Variants in ZNF585A observed in about 807,000 individuals in gnomAD.
ZNF585A encodes zinc finger protein 585A.
A neutral mutation model predicts 14.9 loss-of-function variants in ZNF585A; 9 were observed. The observed-to-expected ratio is 0.60, with a 90% CI of 0.36 to 1.05. The LOEUF (loss-of-function observed/expected upper bound fraction) is 1.05, where lower values mean the gene tolerates loss of function less well. ZNF585A is among the 50% of genes least tolerant of loss of function. The pLI is 0.01. For missense variants in ZNF585A, 726 were observed against 926.4 expected, an observed-to-expected ratio of 0.78 and a Z score of 2.81; for synonymous variants, 276 against 319.9, an observed-to-expected ratio of 0.86 and a Z score of 1.46.
chr19:37,151,356 C>T lies in ZNF585A; in HGVS notation c.*233G>A, dbSNP rs995928423. On this transcript the variant is annotated 3_prime_UTR_variant, in exon 5 of 5. Coordinates refer to ENST00000292841, the MANE Select transcript of ZNF585A (RefSeq NM_001288800.2). Reference sequence around the variant, plus strand: ...GCTTTTCCTATTCACCAAATTGACTCGGTTCCTTGTCAGTATGAATAATGA... The same window carrying T: ...GCTTTTCCTATTCACCAAATTGACTTGGTTCCTTGTCAGTATGAATAATGA... The T allele has an allele frequency of 1.1e-5, 5 of 462,092 alleles. No individual in the cohort carries two copies. The highest frequency in any genetic ancestry group is 9.9e-5 in the African/African-American group (5 of 50,690). 28.6% of individuals were successfully genotyped at this position (462,092 alleles called of 1,614,324 possible).
Position 37,147,584 on chromosome 19 carries a change from A to G in ZNF585A, c.*4005T>C, listed in dbSNP as rs1354830891. 1 of 152,210 alleles carries G rather than the reference A, an allele frequency of 6.6e-6. No homozygotes were observed. The highest frequency in any genetic ancestry group is 1.9e-4 in the East Asian group (1 of 5,198). 9.4% of individuals were successfully genotyped at this position (152,210 alleles called of 1,614,324 possible). ...ATTAGGTAATCATATAAAATAAAAC[A>G]TATACTATAAAACAGGTACTATTAT... is the stretch of plus-strand genomic sequence containing the variant. On this transcript the variant is annotated 3_prime_UTR_variant, in exon 5 of 5. Coordinates refer to ENST00000292841, the MANE Select transcript of ZNF585A (RefSeq NM_001288800.2).
rs772387782 is a variant in ZNF585A, at chr19:37,153,002, C to T, written c.897G>A (p.Glu299=). The T allele has an allele frequency of 1.7e-5, 28 of 1,614,056 alleles. No individual in the cohort carries two copies. Among genetic ancestry groups the T allele is most frequent in the East Asian group, 2.2e-5 (1 of 44,884 alleles). Residue 299 remains glutamate (E), a synonymous_variant, in exon 5 of 5, where the codon GAG becomes GAA. Coordinates refer to ENST00000292841, the MANE Select transcript of ZNF585A (RefSeq NM_001288800.2). The part of the protein sequence containing the change: ...RRIHTGEKPY[E]CSNCGKSFIS... Reference sequence around the variant, plus strand: ...TGAAGGATTTGCCACAGTTACTGCACTCATATGGTTTTTCTCCAGTATGAA... The same window carrying T: ...TGAAGGATTTGCCACAGTTACTGCATTCATATGGTTTTTCTCCAGTATGAA...
chr19:37,166,742 CTT>C (rs755881090), intron 2 of ZNF585A, among the ~76,000 whole-genome samples: 4 of 145,410 alleles, frequency 2.8e-5, no homozygotes, highest in African/African-American at 2.5e-5. Flanking sequence ...TACCTTAGGT[CTT>C]TTTTTTTTTT....
In ZNF585A at chr19:37,169,819, CT is replaced by C. The variant is rs1568500533; in HGVS notation, c.72+19del. On this transcript the variant is annotated intron_variant, in intron 2 of 4. Coordinates refer to ENST00000292841, the MANE Select transcript of ZNF585A (RefSeq NM_001288800.2). Reference sequence around the variant, plus strand: ...AGTCCTGGATTGAATTCCCACCCCCCTGGGACTCCTCCTTCTCACCTCATAG... The same window carrying C: ...AGTCCTGGATTGAATTCCCACCCCCCGGGACTCCTCCTTCTCACCTCATAG... 3.1e-6 allele frequency: 5 copies of C among 1,609,782 alleles called. No individual in the cohort carries two copies. Among genetic ancestry groups the C allele is most frequent in the South Asian group, 2.2e-5 (2 of 91,020 alleles).
chr19:37,162,301 T>G (rs1205348622), intron 2 of ZNF585A, among the ~76,000 whole-genome samples: 1 of 152,254 alleles, frequency 6.6e-6, no homozygotes, highest in South Asian at 2.1e-4. Flanking sequence ...TGTTTCTTTG[T>G]GATGTGTGTT....
chr19:37,160,875 A>AT lies in ZNF585A; in HGVS notation c.73-4521dup, dbSNP rs540346734. Among the ~76,000 whole-genome samples the AT allele has an allele frequency of 1.4e-3, 214 of 151,696 alleles. 9 individuals are homozygous for AT. The South Asian group carries it at 0.04, about 28-fold the overall frequency. On this transcript the variant is annotated intron_variant, in intron 2 of 4. Transcript: ENST00000292841. The stretch of plus-strand genomic sequence containing the variant: ...AATTCTTTTTTTCTTCTTCTTTTTA[A>AT]TTTTTTTTGTGAGACACGATCTTGC...
rs73622721 is a variant in ZNF585A at position 37,150,671 on chromosome 19, A to G, written c.*918T>C. 0.01 allele frequency: 1,587 copies of G among 152,870 alleles called. 29 individuals carry two copies. The highest frequency in any genetic ancestry group is 0.036 in the African/African-American group (1,510 of 41,506). The allele number at this position is 152,870 out of a possible 1,614,324, so 9.5% of individuals were successfully genotyped here. ...AACATATGGTTGTGTTGGTTTTCAT[A>G]TAAGTTATTAATCTGTTACATGAAA... On this transcript the variant is annotated 3_prime_UTR_variant, in exon 5 of 5. Transcript: ENST00000292841.
intron 2 of ZNF585A, among the ~76,000 whole-genome samples, chr19:37,168,368 A>G (rs1393823209): frequency 1.3e-5 from 2 of 152,204 alleles, no homozygotes; most frequent in East Asian, 3.8e-4. Flanking sequence ...GGTGTTCTCC[A>G]TGGCGCTACA....
In ZNF585A at chr19:37,157,992, C is replaced by T. The variant is rs559014423; in HGVS notation, c.73-1637G>A. Among the ~76,000 whole-genome samples the T allele has an allele frequency of 4.2e-4, 63 of 151,626 alleles. 1 individual carries two copies. Among genetic ancestry groups the T allele is most frequent in the African/African-American group, 1.5e-3 (62 of 41,316 alleles). Reference sequence around the variant, plus strand: ...CAACCTCCACCTCCCGGATTCAAGCCGTTCTCTGCCTCAGACTCCCGAGTA... The same window carrying T: ...CAACCTCCACCTCCCGGATTCAAGCTGTTCTCTGCCTCAGACTCCCGAGTA... On this transcript the variant is annotated intron_variant, in intron 2 of 4. Coordinates refer to ENST00000292841, the MANE Select transcript of ZNF585A (RefSeq NM_001288800.2).
chr19:37,168,315 C>T (rs1181795446), intron 2 of ZNF585A, among the ~76,000 whole-genome samples: 1 of 152,178 alleles, frequency 6.6e-6, no homozygotes, highest in Non-Finnish European at 1.5e-5. Flanking sequence ...AGTTAAACCT[C>T]AGTTTTGCTA....
intron 3 of ZNF585A, 117 bp downstream of exon 3, chr19:37,156,112 C>T: frequency 6.4e-7 from 1 of 1,554,532 alleles, no homozygotes; most frequent in African/African-American, 1.4e-5. Context: ...ATAAAGAATC[C>T]TAGACAAATC....
At position 37,152,273 on chromosome 19, in the gene ZNF585A, T is replaced by C. The variant is rs776440553; in HGVS notation, c.1626A>G (p.Lys542=). The C allele has an allele frequency of 6.2e-7, 1 of 1,614,196 alleles. No individual in the cohort carries two copies. The highest frequency in any genetic ancestry group is 1.1e-5 in the South Asian group (1 of 91,080). Residue 542 remains lysine, a synonymous_variant, in exon 5 of 5, where the codon AAA becomes AAG. Transcript: ENST00000292841. ...CATACTGTCTCTCTCCAGTGTGAAT[T>C]TTCTGATGTATATTGAGGTGTGACT... is the stretch of plus-strand genomic sequence containing the variant. The part of the protein sequence containing the change: ...TQKSHLNIHQ[K]IHTGERQYEC...
At chr19:37,156,134 C>A (rs772543053) in intron 3 of ZNF585A, 95 bp downstream of exon 3, 1 of 1,567,746 alleles carries the variant, frequency 6.4e-7, no homozygotes, top group South Asian at 1.2e-5. Flanking sequence ...AGAACAAAAT[C>A]ATCACCTATT....
At chr19:37,159,841 C>A (rs1339414377) in intron 2 of ZNF585A, among the ~76,000 whole-genome samples, 1 of 152,134 alleles carries the variant, frequency 6.6e-6, no homozygotes, top group Admixed American at 6.6e-5. Context: ...TCTTTAATGA[C>A]CCACAGGTCA....
At chr19:37,162,986 A>T (rs80090851) in intron 2 of ZNF585A, among the ~76,000 whole-genome samples, 114 of 152,274 alleles carry the variant, frequency 7.5e-4, no homozygotes, top group Non-Finnish European at 1.6e-3. Context: ...ACCAAAAAAA[A>T]AGTTCCCTAT....
intron 2 of ZNF585A, among the ~76,000 whole-genome samples, chr19:37,168,937 C>A (rs1396830334): frequency 6.6e-6 from 1 of 152,084 alleles, no homozygotes; most frequent in East Asian, 1.9e-4. Flanking sequence ...AGAATAAAAT[C>A]GGTCCTGTAT....
Position 37,157,958 on chromosome 19 carries a change from G to A in ZNF585A, c.73-1603C>T, listed in dbSNP as rs190190033. Among the ~76,000 whole-genome samples the A allele has an allele frequency of 4.7e-5, 7 of 149,760 alleles. No individual in the cohort carries two copies. In the East Asian group the frequency reaches 5.9e-4, roughly 13 times the overall value. On this transcript the variant is annotated intron_variant, in intron 2 of 4. Transcript: ENST00000292841. ...GGCTAGAGTGCAGTGGTGCGATCTCGGCTCACCGCAACCTCCACCTCCCGG... is the reference window on the plus strand; with the variant it reads ...GGCTAGAGTGCAGTGGTGCGATCTCAGCTCACCGCAACCTCCACCTCCCGG...
At chr19:37,167,877 G>T (rs1398852654) in intron 2 of ZNF585A, among the ~76,000 whole-genome samples, 1 of 151,964 alleles carries the variant, frequency 6.6e-6, no homozygotes, top group Non-Finnish European at 1.5e-5. Flanking sequence ...TGATCCACCC[G>T]CCTTGGCTTC....
chr19:37,156,683 C>T (rs1380668946), intron 2 of ZNF585A, among the ~76,000 whole-genome samples: 1 of 150,902 alleles, frequency 6.6e-6, no homozygotes, highest in Non-Finnish European at 1.5e-5. Context: ...CACACTTCTT[C>T]CTAATACTTC....
Sources: allele counts gnomAD v4.1 joint callset (sites outside exome capture counted in the v4.1 genomes callset), GRCh38; gene constraint gnomAD v4.1.1; transcripts MANE v1.5; gene names NCBI Gene and HGNC (gene_info 2026-07-23, HGNC 2026-07-21).